Variants in CDH9 observed in about 807,000 individuals in gnomAD.
CDH9 encodes the protein cadherin-9.
CDH9 carries 28 observed loss-of-function variants against 70.9 expected under a neutral mutation model. The ratio of observed to expected loss-of-function variants is 0.40; its 90% CI spans 0.29 to 0.54. The LOEUF (loss-of-function observed/expected upper bound fraction) is 0.54, where lower values mean the gene tolerates loss of function less well. Among genes scored for constraint, CDH9 ranks in the 20% least tolerant of loss-of-function variants. The pLI is 0.59. For synonymous variants in CDH9, 409 were observed against 343.1 expected, an observed-to-expected ratio of 1.19 and a Z score of -2.12; for missense variants, 874 against 984.4, an observed-to-expected ratio of 0.89 and a Z score of 1.50.
In CDH9 at chr5:26,988,281, G is replaced by T; in HGVS notation, c.53C>A (p.Thr18Lys). 6.2e-7 allele frequency: 1 copy of T among 1,613,302 alleles called. No individual in the cohort carries two copies. Among genetic ancestry groups the T allele is most frequent in the Non-Finnish European group, 8.5e-7 (1 of 1,179,478 alleles). Residue 18 changes from threonine (T) to lysine (K), a missense_variant, in exon 2 of 12, where the codon ACA becomes AAA. Thr to Lys is a moderately conservative substitution (Grantham distance 78). Transcript: ENST00000231021. Reference protein sequence around the residue: ...PLFIWTYMFHTVDTILLQEKP... With the variant: ...PLFIWTYMFHKVDTILLQEKP... ...TTCTTGTAATAGGATGGTGTCAACT[G>T]TATGGAACATATAGGTCCAGATGAA...
At chr5:27,025,184 A>G (rs1297216460) in intron 1 of CDH9, among the ~76,000 whole-genome samples, 1 of 152,062 alleles carries the variant, frequency 6.6e-6, no homozygotes, top group Non-Finnish European at 1.5e-5. Flanking sequence ...GGGAAAGAAT[A>G]TTGGCATTAC....
intron 7 of CDH9, among the ~76,000 whole-genome samples, chr5:26,898,494 G>C (rs1398178249): frequency 6.6e-6 from 1 of 152,068 alleles, no homozygotes; most frequent in African/African-American, 2.4e-5. Flanking sequence ...CAGTGGAACA[G>C]AACAGAGCCA....
chr5:26,889,047 A>G (rs1384457741), intron 9 of CDH9, among the ~76,000 whole-genome samples: 7 of 152,200 alleles, frequency 4.6e-5, no homozygotes, highest in Non-Finnish European at 8.8e-5. Flanking sequence ...CATTCAGTTC[A>G]TAATATTCTC....
At chr5:26,926,782 A>T (rs1302474841) in intron 2 of CDH9, among the ~76,000 whole-genome samples, 1 of 152,026 alleles carries the variant, frequency 6.6e-6, no homozygotes, top group African/African-American at 2.4e-5. Context: ...GGCCTCAGAA[A>T]CACCGCCACA....
At chr5:26,926,692 C>T (rs1187892038) in intron 2 of CDH9, among the ~76,000 whole-genome samples, 1 of 152,034 alleles carries the variant, frequency 6.6e-6, no homozygotes, top group African/African-American at 2.4e-5. Flanking sequence ...TGACTTCAAA[C>T]TATACTACAA....
chr5:26,881,070 G>T lies in CDH9; in HGVS notation c.*66C>A. 7.2e-7 allele frequency: 1 copy of T among 1,394,944 alleles called. No individual in the cohort carries two copies. Among genetic ancestry groups the T allele is most frequent in the Non-Finnish European group, 9.7e-7 (1 of 1,026,068 alleles). 86.4% of individuals were successfully genotyped at this position (1,394,944 alleles called of 1,614,324 possible). ...AAAGATTTCCTCCCAGGAAGAGAAT[G>T]CAGGCCACTCAATCTAATAACATAG... On this transcript the variant is annotated 3_prime_UTR_variant, in exon 12 of 12. Transcript: ENST00000231021.
intron 2 of CDH9, among the ~76,000 whole-genome samples, chr5:26,959,134 A>G (rs4579219): frequency 0.84 from 127,472 of 152,202 alleles, 58,119 homozygotes; most frequent in East Asian, 1. Context: ...TTCATAATAT[A>G]TAAAGAACTC....
At chr5:27,011,321 C>T (rs755043785) in intron 1 of CDH9, among the ~76,000 whole-genome samples, 16 of 152,028 alleles carry the variant, frequency 1.1e-4, no homozygotes, top group Non-Finnish European at 1.9e-4. Context: ...CAGGTTAAGA[C>T]GAAGTCTTTC....
chr5:26,892,485 C>T (rs1740677156), intron 7 of CDH9, among the ~76,000 whole-genome samples: 1 of 152,064 alleles, frequency 6.6e-6, no homozygotes, highest in Admixed American at 6.5e-5. Context: ...AGAACGGAAA[C>T]AGGAAAAGCA....
At chr5:27,036,135 G>A (rs1743388665) in intron 1 of CDH9, among the ~76,000 whole-genome samples, 1 of 151,854 alleles carries the variant, frequency 6.6e-6, no homozygotes, top group African/African-American at 2.4e-5. Context: ...TGTGGGGAAG[G>A]AGCATCTGCC....
At chr5:26,933,609 A>G (rs996929068) in intron 2 of CDH9, among the ~76,000 whole-genome samples, 14 of 152,048 alleles carry the variant, frequency 9.2e-5, no homozygotes, top group East Asian at 3.9e-4. Flanking sequence ...CTCCATCTCT[A>G]CTAAAAATAC....
At chr5:26,916,128 T>A (rs1240494747) in intron 2 of CDH9, among the ~76,000 whole-genome samples, 1 of 151,964 alleles carries the variant, frequency 6.6e-6, no homozygotes, top group East Asian at 1.9e-4. Flanking sequence ...TTAGACATCA[T>A]AATGGACTAG....
chr5:26,933,821 A>T (rs1741508784), intron 2 of CDH9, among the ~76,000 whole-genome samples: 1 of 151,820 alleles, frequency 6.6e-6, no homozygotes. Flanking sequence ...CAAAATAATA[A>T]GAAAAAAAGA....
intron 2 of CDH9, among the ~76,000 whole-genome samples, chr5:26,932,144 T>C (rs1741474799): frequency 6.6e-6 from 1 of 152,056 alleles, no homozygotes; most frequent in South Asian, 2.1e-4. Flanking sequence ...TTATTATTGG[T>C]TTTTAGTTTG....
intron 2 of CDH9, among the ~76,000 whole-genome samples, chr5:26,966,717 T>C (rs2112068259): frequency 6.6e-6 from 1 of 152,298 alleles, no homozygotes; most frequent in East Asian, 1.9e-4. Context: ...AGCAAATTAT[T>C]CTTGCTTAAG....
At chr5:26,941,942 G>T (rs1167625863) in intron 2 of CDH9, among the ~76,000 whole-genome samples, 1 of 152,154 alleles carries the variant, frequency 6.6e-6, no homozygotes, top group East Asian at 1.9e-4. Flanking sequence ...GCATCACATG[G>T]CAAGAGGGCT....
intron 1 of CDH9, among the ~76,000 whole-genome samples, chr5:26,997,182 G>A (rs1370173677): frequency 2.0e-5 from 3 of 152,078 alleles, no homozygotes; most frequent in Non-Finnish European, 4.4e-5. Context: ...AAAATTAACT[G>A]TTGTCTGTAA....
intron 2 of CDH9, among the ~76,000 whole-genome samples, chr5:26,976,169 A>G (rs78984865): frequency 0.049 from 7,390 of 152,258 alleles, 606 homozygotes; most frequent in African/African-American, 0.17. Flanking sequence ...GAGTGCTTCA[A>G]AAGTTCTGTA....
Position 26,893,166 on chromosome 5 carries a change from A to G in CDH9, c.1254-2602T>C, listed in dbSNP as rs570326282. Among the ~76,000 whole-genome samples, 5 of 152,324 alleles carry G rather than the reference A, an allele frequency of 3.3e-5. No homozygotes were observed. In the South Asian group the frequency reaches 1.0e-3, roughly 32 times the overall value. ...GAATTATGCTGAACTTAAGGGATCTATTAAGTAAATGGGTCTGATCATAAT... is the reference window on the plus strand; with the variant it reads ...GAATTATGCTGAACTTAAGGGATCTGTTAAGTAAATGGGTCTGATCATAAT... On this transcript the variant is annotated intron_variant, in intron 7 of 11. Coordinates refer to ENST00000231021, the MANE Select transcript of CDH9 (RefSeq NM_016279.4).
Sources: allele counts gnomAD v4.1 joint callset (sites outside exome capture counted in the v4.1 genomes callset), GRCh38; gene constraint gnomAD v4.1.1; transcripts MANE v1.5; gene names NCBI Gene and HGNC (gene_info 2026-07-23, HGNC 2026-07-21).